DLGAP5: variants seen among roughly 807,000 people sequenced by gnomAD.
DLGAP5 encodes the protein disks large-associated protein 5.
A neutral mutation model predicts 99.6 loss-of-function variants in DLGAP5; 90 were observed. The ratio of observed to expected loss-of-function variants is 0.90; its 90% CI spans 0.76 to 1.08. DLGAP5 has a LOEUF of 1.08. Ranked by LOEUF, DLGAP5 falls within the 50% of genes least tolerant of loss-of-function variation. The pLI is 0.00. For synonymous variants in DLGAP5, 311 were observed against 321.3 expected, an observed-to-expected ratio of 0.97 and a Z score of 0.34; for missense variants, 1,036 against 983.5, an observed-to-expected ratio of 1.05 and a Z score of -0.71.
At chr14:55,150,721 T>C (rs902819751) in intron 18 of DLGAP5, 78 bp downstream of exon 18, 228 of 1,116,070 alleles carry the variant, frequency 2.0e-4, no homozygotes, top group Non-Finnish European at 2.7e-4. Context: ...TTAAGCCTTG[T>C]ACACAAATAG....
rs1230902279 is a variant in DLGAP5 at position 55,148,159 on chromosome 14, T to G, written c.*192A>C. 1 of 607,636 alleles carries G rather than the reference T, an allele frequency of 1.6e-6. No homozygotes were observed. The highest frequency in any genetic ancestry group is 1.9e-5 in the African/African-American group (1 of 53,186). The allele number at this position is 607,636 out of a possible 1,614,324, so 37.6% of individuals were successfully genotyped here. A position where few individuals can be genotyped will look rare whatever the true frequency, so the allele number is the denominator to read the frequency against. On this transcript the variant is annotated 3_prime_UTR_variant, in exon 19 of 19. Transcript: ENST00000247191. ...GCACAGTACATTTTTTATTCTGTGT[T>G]GAAAATGTACAAAATATCCCCACTT...
intron 8 of DLGAP5, 106 bp from the exon 9 acceptor site, chr14:55,176,124 G>A (rs1349708179): frequency 3.5e-5 from 36 of 1,034,556 alleles, no homozygotes; most frequent in South Asian, 3.0e-4. Context: ...AAATAGAAAT[G>A]TTTCTATTTT....
chr14:55,156,481 G>A (rs1882221031), intron 14 of DLGAP5, among the ~76,000 whole-genome samples: 1 of 152,208 alleles, frequency 6.6e-6, no homozygotes, highest in African/African-American at 2.4e-5. Flanking sequence ...GAAGCAGATG[G>A]AAAGCATCTT....
At chr14:55,178,456 C>G (rs1436543243) in intron 7 of DLGAP5, among the ~76,000 whole-genome samples, 1 of 152,116 alleles carries the variant, frequency 6.6e-6, no homozygotes, top group Non-Finnish European at 1.5e-5. Context: ...CAATTTGTTA[C>G]TTGGTATTTA....
At chr14:55,164,628 GA>G (rs929802498) in intron 12 of DLGAP5, among the ~76,000 whole-genome samples, 16 of 147,650 alleles carry the variant, frequency 1.1e-4, no homozygotes, top group East Asian at 6.0e-4. Flanking sequence ...CAACATAAAA[GA>G]AAAAAAAAAT....
intron 15 of DLGAP5, among the ~76,000 whole-genome samples, chr14:55,154,085 T>C (rs1882116746): frequency 6.7e-6 from 1 of 150,026 alleles, no homozygotes; most frequent in South Asian, 2.1e-4. Flanking sequence ...TCTAGAAGCA[T>C]ATCTAGCCCA....
chr14:55,183,957 A>G (rs1247001297), intron 2 of DLGAP5, among the ~76,000 whole-genome samples: 1 of 152,182 alleles, frequency 6.6e-6, no homozygotes, highest in Non-Finnish European at 1.5e-5. Flanking sequence ...GTTTGAGACC[A>G]GCCTGGCCAA....
chr14:55,184,255 C>G (rs1043057335), intron 2 of DLGAP5, among the ~76,000 whole-genome samples: 1 of 152,158 alleles, frequency 6.6e-6, no homozygotes, highest in Non-Finnish European at 1.5e-5. Flanking sequence ...CCCAGGAGTT[C>G]AAGTTCAGCT....
chr14:55,166,848 T>C (rs947180056), intron 12 of DLGAP5, among the ~76,000 whole-genome samples: 7 of 151,254 alleles, frequency 4.6e-5, no homozygotes, highest in African/African-American at 1.7e-4. Context: ...TTATCATATG[T>C]AAATTATACC....
chr14:55,152,592 G>T lies in DLGAP5; in HGVS notation c.2119C>A (p.His707Asn). ...AACCACACTGGAATTGTACTTACAT[G>T]ATTTTCTTCAATTAAATCTGGTAAT... ...PGLPDLIEEN[H>N]VVNKTDLKVD... The change falls in exon 16 of 19, where the codon CAT becomes AAT. Residue 707 changes from histidine (H) to asparagine (N), a missense_variant and splice_region_variant. His to Asn is a moderately conservative substitution (Grantham distance 68). Transcript: ENST00000247191. 1 of 1,600,042 alleles carries T rather than the reference G, an allele frequency of 6.2e-7. No homozygotes were observed. The highest frequency in any genetic ancestry group is 1.1e-5 in the South Asian group (1 of 87,714).
chr14:55,148,352 CA>C lies in DLGAP5; in HGVS notation c.2539del (p.Ter847GlufsTer20). On this transcript the variant is annotated frameshift_variant and stop_lost, in exon 19 of 19. Coordinates refer to ENST00000247191, the MANE Select transcript of DLGAP5 (RefSeq NM_014750.5). LOFTEE classifies it high-confidence loss of function. Reference sequence around the variant, plus strand: ...AAATGTTTGGATTTATTTTTAAATTCAAAATTCTCCTGGTTGTAGAGGTGAA... The same window carrying C: ...AAATGTTTGGATTTATTTTTAAATTCAAATTCTCCTGGTTGTAGAGGTGAA... ...TFSPLQPGEF* is the reference protein window; with the variant it reads ...TFSPLQPGEFX The C allele has an allele frequency of 6.2e-7, 1 of 1,612,406 alleles. No homozygotes were observed. Among genetic ancestry groups the C allele is most frequent in the Non-Finnish European group, 8.5e-7 (1 of 1,179,406 alleles).
At chr14:55,181,555 C>T (rs1883277080) in intron 4 of DLGAP5, among the ~76,000 whole-genome samples, 1 of 152,174 alleles carries the variant, frequency 6.6e-6, no homozygotes, top group Non-Finnish European at 1.5e-5. Flanking sequence ...CTCACTATAA[C>T]TTGCCTTCTG....
intron 3 of DLGAP5, among the ~76,000 whole-genome samples, chr14:55,183,181 C>A (rs1001126846): frequency 7.2e-5 from 11 of 152,178 alleles, no homozygotes; most frequent in Non-Finnish European, 1.6e-4. Context: ...CAATTGGTCT[C>A]CCTATCTATA....
chr14:55,171,780 G>A (rs1253232815), intron 10 of DLGAP5, among the ~76,000 whole-genome samples: 2 of 152,190 alleles, frequency 1.3e-5, no homozygotes, highest in East Asian at 1.9e-4. Context: ...AATATTATTC[G>A]GCCTTAAAAA....
chr14:55,163,481 A>G (rs1001397519), intron 12 of DLGAP5, among the ~76,000 whole-genome samples: 2 of 152,194 alleles, frequency 1.3e-5, no homozygotes, highest in African/African-American at 2.4e-5. Flanking sequence ...TAAAGCTGCT[A>G]TATTGCTAAA....
At chr14:55,181,103 A>C in intron 5 of DLGAP5, 110 bp downstream of exon 5, 1 of 1,071,108 alleles carries the variant, frequency 9.3e-7, no homozygotes, top group Non-Finnish European at 1.4e-6. Context: ...CAACAGAGCA[A>C]GACTCTGTCA....
intron 14 of DLGAP5, 49 bp downstream of exon 14, chr14:55,158,463 TATTTCTCTTA>T: frequency 6.9e-7 from 1 of 1,443,540 alleles, no homozygotes; most frequent in Admixed American, 2.0e-5. Flanking sequence ...CTATCCCAAA[TATTTCTCTTA>T]AGTAGTCTCA....
Position 55,169,402 on chromosome 14 carries a change from A to T in DLGAP5, c.1545T>A (p.Phe515Leu). 1.3e-6 allele frequency: 2 copies of T among 1,525,994 alleles called. No individual in the cohort carries two copies. Among genetic ancestry groups the T allele is most frequent in the Non-Finnish European group, 1.7e-6 (2 of 1,143,880 alleles). The allele number at this position is 1,525,994 out of a possible 1,614,324, so 94.5% of individuals were successfully genotyped here. Residue 515 changes from phenylalanine (F) to leucine (L), a missense_variant, in exon 12 of 19, where the codon TTT (phenylalanine) becomes TTA (leucine). Transcript: ENST00000247191. ...DLDGFWDMVS[F>L]QIEDVIHKFN... ...TTTGAAATATTGAACCACATACCTG[A>T]AAACTAACCATATCCCAAAATCCAT...
chr14:55,174,648 C>A lies in DLGAP5; in HGVS notation c.1301+698G>T, dbSNP rs936706446. Among the ~76,000 whole-genome samples, 9 of 152,134 alleles carry A rather than the reference C, an allele frequency of 5.9e-5. No homozygotes were observed. The East Asian group carries it at 1.7e-3, about 29-fold the overall frequency. On this transcript the variant is annotated intron_variant, in intron 10 of 18. Coordinates refer to ENST00000247191, the MANE Select transcript of DLGAP5 (RefSeq NM_014750.5). Reference sequence around the variant, plus strand: ...AATGCTTAAGGAAAACAGAAAAGAACCTACGTGAATATCAGGGCAGATTCC... The same window carrying A: ...AATGCTTAAGGAAAACAGAAAAGAAACTACGTGAATATCAGGGCAGATTCC...
Sources: allele counts gnomAD v4.1 joint callset (sites outside exome capture counted in the v4.1 genomes callset), GRCh38; gene constraint gnomAD v4.1.1; transcripts MANE v1.5; gene names NCBI Gene and HGNC (gene_info 2026-07-23, HGNC 2026-07-21).